Variants in SERGEF observed in about 807,000 individuals in gnomAD.
SERGEF encodes secretion regulating guanine nucleotide exchange factor.
SERGEF carries 51 observed loss-of-function variants against 50.0 expected under a neutral mutation model. That is an observed-to-expected ratio of 1.02 (90% confidence interval 0.81 to 1.29). SERGEF has a LOEUF of 1.29. SERGEF is among the 50% of genes most tolerant of loss of function. The pLI is 0.00. For synonymous variants in SERGEF, 205 were observed against 212.4 expected (o/e 0.97, Z 0.30); for missense variants, 521 against 557.0 (o/e 0.94, Z 0.65).
chr11:17,985,173 T>C (rs1245510050), intron 8 of SERGEF, among the ~76,000 whole-genome samples: 1 of 152,196 alleles, frequency 6.6e-6, no homozygotes, highest in Non-Finnish European at 1.5e-5. Flanking sequence ...ATTATCCCTG[T>C]GGAAACAGAA....
intron 10 of SERGEF, among the ~76,000 whole-genome samples, chr11:17,812,682 C>T (rs1293290316): frequency 1.3e-5 from 2 of 152,214 alleles, no homozygotes; most frequent in African/African-American, 4.8e-5. Context: ...GTACCTTTGA[C>T]TGTAAACCCA....
intron 10 of SERGEF, among the ~76,000 whole-genome samples, chr11:17,860,120 C>T (rs1298660200): frequency 1.3e-5 from 2 of 152,068 alleles, no homozygotes; most frequent in African/African-American, 2.4e-5. Context: ...GGTGGGGAGA[C>T]TGCTGAAAGA....
At chr11:17,924,029 T>C (rs1852207260) in intron 9 of SERGEF, among the ~76,000 whole-genome samples, 2 of 152,174 alleles carry the variant, frequency 1.3e-5, no homozygotes, top group South Asian at 4.1e-4. Flanking sequence ...AGAGTGAAGA[T>C]GATAATAATC....
At chr11:17,964,138 T>C (rs1336552727) in intron 8 of SERGEF, among the ~76,000 whole-genome samples, 1 of 152,136 alleles carries the variant, frequency 6.6e-6, no homozygotes, top group East Asian at 1.9e-4. Flanking sequence ...AGGGTCCCGC[T>C]AATGGGAATC....
chr11:17,917,860 G>A lies in SERGEF; in HGVS notation c.1012-39616C>T, dbSNP rs868351283. 2.2e-4 allele frequency among the ~76,000 whole-genome samples: 33 copies of A among 152,292 alleles called. No homozygotes were observed. The Middle Eastern group carries it at 0.01, about 47-fold the overall frequency. ...AAATCCCCAGGTGATTCATATGCAC[G>A]GTATCATTTGAGAAGCACTATCCTA... On this transcript the variant is annotated intron_variant, in intron 9 of 10. Coordinates refer to ENST00000265965, the MANE Select transcript of SERGEF (RefSeq NM_012139.4).
rs1043882172 is a variant in SERGEF, at chr11:17,885,424, C to T, written c.1012-7180G>A. Among the ~76,000 whole-genome samples, 4 of 152,094 alleles carry T rather than the reference C, an allele frequency of 2.6e-5. No homozygotes were observed. The East Asian group carries it at 5.8e-4, about 22-fold the overall frequency. ...ATAACCTCGAATTCCTGGGCTCAAG[C>T]GACCCTTCTGCCTTAGCTTCCTGAG... On this transcript the variant is annotated intron_variant, in intron 9 of 10. Transcript: ENST00000265965.
chr11:17,963,364 TAAAAAAAAAA>T (rs1174880141), intron 8 of SERGEF, among the ~76,000 whole-genome samples: 9 of 49,882 alleles, frequency 1.8e-4, no homozygotes, highest in African/African-American at 5.4e-4. Context: ...TTACTATTAG[TAAAAAAAAAA>T]AAAAAAAAAA....
chr11:17,987,269 A>G (rs1467836395), intron 8 of SERGEF, among the ~76,000 whole-genome samples: 2 of 152,174 alleles, frequency 1.3e-5, no homozygotes, highest in Admixed American at 1.3e-4. Flanking sequence ...TCTTTTAACT[A>G]TAAAGAGTTT....
intron 9 of SERGEF, among the ~76,000 whole-genome samples, chr11:17,906,748 A>C (rs1263079643): frequency 6.6e-6 from 1 of 150,808 alleles, no homozygotes; most frequent in Non-Finnish European, 1.5e-5. Flanking sequence ...TTCCTAGTAA[A>C]TTCAGTGGAA....
At chr11:17,809,410 G>C (rs950518941) in intron 10 of SERGEF, among the ~76,000 whole-genome samples, 1 of 152,236 alleles carries the variant, frequency 6.6e-6, no homozygotes, top group Non-Finnish European at 1.5e-5. Flanking sequence ...AAGCCACTAA[G>C]GCTTTTGGAC....
At chr11:17,826,526 C>T (rs921514001) in intron 10 of SERGEF, among the ~76,000 whole-genome samples, 2 of 152,034 alleles carry the variant, frequency 1.3e-5, no homozygotes, top group African/African-American at 2.4e-5. Flanking sequence ...CCAGGCTGCA[C>T]GGATGGGGAG....
intron 10 of SERGEF, among the ~76,000 whole-genome samples, chr11:17,837,716 T>C (rs1172608870): frequency 6.7e-6 from 1 of 149,308 alleles, no homozygotes; most frequent in Non-Finnish European, 1.5e-5. Context: ...TGGAGTACAG[T>C]GTGGCACTGT....
chr11:17,988,340 T>A (rs1853641453), intron 8 of SERGEF, among the ~76,000 whole-genome samples: 1 of 152,194 alleles, frequency 6.6e-6, no homozygotes, highest in Non-Finnish European at 1.5e-5. Flanking sequence ...CTGCAATGGA[T>A]CCCTTCTCAA....
In SERGEF at chr11:17,938,389, T is replaced by C. The variant is rs192849589; in HGVS notation, c.1011+21081A>G. Reference sequence around the variant, plus strand: ...CTATATCCCTGCAAGCACCTAAAGTTGAGACAGGAAAAGTGAGAGGCAAAG... The same window carrying C: ...CTATATCCCTGCAAGCACCTAAAGTCGAGACAGGAAAAGTGAGAGGCAAAG... On this transcript the variant is annotated intron_variant, in intron 9 of 10. Coordinates refer to ENST00000265965, the MANE Select transcript of SERGEF (RefSeq NM_012139.4). 1.7e-4 allele frequency among the ~76,000 whole-genome samples: 26 copies of C among 152,224 alleles called. No homozygotes were observed. The East Asian group carries it at 2.3e-3, about 14-fold the overall frequency.
At chr11:17,864,516 A>C (rs1850986649) in intron 10 of SERGEF, among the ~76,000 whole-genome samples, 1 of 152,224 alleles carries the variant, frequency 6.6e-6, no homozygotes, top group South Asian at 2.1e-4. Flanking sequence ...TGTAAAAAAA[A>C]CACTCTGTAT....
At chr11:17,917,328 A>G (rs2133935762) in intron 9 of SERGEF, among the ~76,000 whole-genome samples, 2 of 152,354 alleles carry the variant, frequency 1.3e-5, no homozygotes, top group South Asian at 4.1e-4. Context: ...GGAAAACCAA[A>G]CATTGTATGT....
chr11:17,795,848 G>A (rs760309816), intron 10 of SERGEF, among the ~76,000 whole-genome samples: 1 of 152,234 alleles, frequency 6.6e-6, no homozygotes, highest in African/African-American at 2.4e-5. Context: ...GATGGCATGT[G>A]TACACAAGGG....
chr11:18,006,536 C>T, intron 3 of SERGEF, 55 bp downstream of exon 3: 1 of 1,524,502 alleles, frequency 6.6e-7, no homozygotes, highest in Non-Finnish European at 9.0e-7. Context: ...CATCATCATA[C>T]TGTTCTCACC....
intron 10 of SERGEF, among the ~76,000 whole-genome samples, chr11:17,806,402 A>C (rs1849758490): frequency 6.6e-6 from 1 of 152,220 alleles, no homozygotes; most frequent in South Asian, 2.1e-4. Context: ...TATTTCTGTT[A>C]TCTCATTTCA....
Sources: gnomAD v4.1 joint callset for allele counts (sites outside exome capture counted in the v4.1 genomes callset) on GRCh38, gnomAD v4.1.1 for gene constraint, MANE v1.5 for transcripts, NCBI Gene and HGNC (gene_info 2026-07-23, HGNC 2026-07-21) for gene names.